SLC60A1: variants seen among roughly 807,000 people sequenced by gnomAD.
SLC60A1 encodes the protein solute carrier family 60 member 1.
the SLC60A1 span, among the ~76,000 whole-genome samples, chr1:205,595,748 T>C: frequency 6.6e-6 from 1 of 152,212 alleles, no homozygotes; most frequent in Non-Finnish European, 1.5e-5. Flanking sequence ...GTAAAGCTTT[T>C]GACTTAGCAT....
chr1:205,586,482 G>A, the SLC60A1 span, among the ~76,000 whole-genome samples: 2 of 152,136 alleles, frequency 1.3e-5, no homozygotes, highest in Admixed American at 6.5e-5. Context: ...GGAGGTGCTG[G>A]CTGCAGTGTG....
chr1:205,591,924 G>A, the SLC60A1 span: 15 of 558,040 alleles, frequency 2.7e-5, no homozygotes, highest in South Asian at 1.9e-4. Flanking sequence ...ATGTCTAGGC[G>A]GGGGTCTCCT....
At chr1:205,575,473 A>G in the SLC60A1 span, among the ~76,000 whole-genome samples, 4 of 152,126 alleles carry the variant, frequency 2.6e-5, no homozygotes, top group Non-Finnish European at 5.9e-5. Flanking sequence ...GCTGCCTGGC[A>G]TCTTACTGCT....
At chr1:205,572,158 AAAAC>A in the SLC60A1 span, among the ~76,000 whole-genome samples, 1 of 152,186 alleles carries the variant, frequency 6.6e-6, no homozygotes, top group Non-Finnish European at 1.5e-5. Flanking sequence ...CTCTCAGAGA[AAAAC>A]AAAAAGCCAC....
chr1:205,579,832 C>A, the SLC60A1 span: 1 of 1,614,092 alleles, frequency 6.2e-7, no homozygotes, highest in African/African-American at 1.3e-5. Context: ...TCTGCCGCGA[C>A]GTGAAGGTGC....
the SLC60A1 span, chr1:205,599,146 G>C: frequency 3.7e-6 from 6 of 1,613,988 alleles, no homozygotes; most frequent in Non-Finnish European, 5.1e-6. Context: ...CCAGGCTCAG[G>C]GCAGCTATAG....
the SLC60A1 span, among the ~76,000 whole-genome samples, chr1:205,593,321 A>G: frequency 6.6e-6 from 1 of 150,812 alleles, no homozygotes; most frequent in African/African-American, 2.4e-5. Flanking sequence ...ATACAAAAAA[A>G]TTAGCCAGGC....
At chr1:205,569,407 G>T in the SLC60A1 span, 1 of 768,474 alleles carries the variant, frequency 1.3e-6, no homozygotes, top group South Asian at 6.3e-5. Context: ...CGGCCCCGTG[G>T]GGCTGCCCGT....
At chr1:205,597,974 C>A in the SLC60A1 span, 2 of 1,007,112 alleles carry the variant, frequency 2.0e-6, no homozygotes, top group Non-Finnish European at 1.5e-6. Flanking sequence ...GCAAAGCCAG[C>A]AGGGCCCCCT....
the SLC60A1 span, chr1:205,579,718 C>T: frequency 9.3e-6 from 15 of 1,606,526 alleles, no homozygotes; most frequent in African/African-American, 1.5e-4. Flanking sequence ...TGCTTCCAGC[C>T]CCATCCCCTG....
the SLC60A1 span, among the ~76,000 whole-genome samples, chr1:205,583,674 G>T: frequency 6.6e-6 from 1 of 152,192 alleles, no homozygotes; most frequent in East Asian, 1.9e-4. Context: ...ACCTCTCCTG[G>T]GCCAGCAGAG....
chr1:205,596,907 G>A, the SLC60A1 span, among the ~76,000 whole-genome samples: 1 of 152,186 alleles, frequency 6.6e-6, no homozygotes, highest in Non-Finnish European at 1.5e-5. Context: ...TCATCTTACA[G>A]AGAAGGCAAC....
the SLC60A1 span, among the ~76,000 whole-genome samples, chr1:205,576,642 C>T: frequency 6.6e-6 from 1 of 152,180 alleles, no homozygotes; most frequent in Non-Finnish European, 1.5e-5. Flanking sequence ...GGCTATTGAC[C>T]AAGCCATTTA....
the SLC60A1 span, chr1:205,600,549 G>A: frequency 1.5e-6 from 2 of 1,367,766 alleles, no homozygotes; most frequent in Non-Finnish European, 2.1e-6. Flanking sequence ...GGTGGTGGAG[G>A]CGCTCTCTCA....
chr1:205,602,575 AAATTAT>A, the SLC60A1 span: 1 of 152,680 alleles, frequency 6.5e-6, no homozygotes. Context: ...AGCGGCTTAG[AAATTAT>A]TCATGTTTGG....
the SLC60A1 span, among the ~76,000 whole-genome samples, chr1:205,585,243 T>C: frequency 6.6e-6 from 1 of 152,166 alleles, no homozygotes; most frequent in Non-Finnish European, 1.5e-5. This position sits in a 1 kb window ranked among gnomAD's most constrained non-coding sequence, Gnocchi z 4.2. Context: ...ATGCTATAGG[T>C]AGGGGCCTAA....
At chr1:205,586,351 G>A in the SLC60A1 span, 1 of 1,063,940 alleles carries the variant, frequency 9.4e-7, no homozygotes, top group Non-Finnish European at 1.4e-6. Flanking sequence ...AGGAGAGAGA[G>A]GATGACGAGG....
the SLC60A1 span, chr1:205,579,652 G>T: frequency 2.3e-6 from 3 of 1,325,436 alleles, no homozygotes; most frequent in Admixed American, 3.4e-5. Context: ...ACCAGAGGGG[G>T]AGAAATGTCT....
At chr1:205,592,334 G>A in the SLC60A1 span, 8 of 1,546,014 alleles carry the variant, frequency 5.2e-6, no homozygotes, top group Admixed American at 5.7e-5. Context: ...CTAGCTGGGC[G>A]CCGCCGCCTC....
Sources: allele counts gnomAD v4.1 joint callset (sites outside exome capture counted in the v4.1 genomes callset), GRCh38; gene constraint gnomAD v4.1.1; non-coding constraint Gnocchi (gnomAD v3.1); transcripts MANE v1.5; gene names NCBI Gene and HGNC (gene_info 2026-07-23, HGNC 2026-07-21).